TUSC3: variants seen among roughly 807,000 people sequenced by gnomAD.
The protein encoded by TUSC3 is dolichyl-diphosphooligosaccharide--protein glycosyltransferase subunit TUSC3.
TUSC3 carries 45 observed loss-of-function variants against 44.8 expected under a neutral mutation model. That is an observed-to-expected ratio of 1.00 (90% confidence interval 0.79 to 1.29). TUSC3 has a LOEUF of 1.29. Ranked by LOEUF, TUSC3 falls within the 50% of genes most tolerant of loss-of-function variation. TUSC3 has a pLI of 0.00. For synonymous variants in TUSC3, 212 were observed against 152.9 expected (o/e 1.39, Z -2.85); for missense variants, 519 against 437.9 (o/e 1.19, Z -1.65).
chr8:15,643,461 G>A (rs1331969246), intron 2 of TUSC3, among the ~76,000 whole-genome samples: 1 of 151,144 alleles, frequency 6.6e-6, no homozygotes, highest in East Asian at 1.9e-4. Flanking sequence ...CAAAAACTGA[G>A]TGCTAACTCT....
chr8:15,653,996 T>C (rs576435472), intron 3 of TUSC3, among the ~76,000 whole-genome samples: 1 of 152,106 alleles, frequency 6.6e-6, no homozygotes, highest in Admixed American at 6.6e-5. Context: ...GATAGGCTAG[T>C]GGGTTAATGA....
At chr8:15,689,837 TG>T (rs1206582272) in intron 6 of TUSC3, among the ~76,000 whole-genome samples, 2 of 61,132 alleles carry the variant, frequency 3.3e-5, no homozygotes, top group African/African-American at 1.2e-4. Context: ...TGTGTGTGTG[TG>T]TGTGTGTGTG....
intron 2 of TUSC3, among the ~76,000 whole-genome samples, chr8:15,490,171 A>G (rs372958943): frequency 1.3e-5 from 2 of 152,192 alleles, no homozygotes; most frequent in East Asian, 3.9e-4. Context: ...AACAACAAAC[A>G]AGTGATGGTG....
chr8:15,444,574 A>T (rs1196164017), intron 1 of TUSC3, among the ~76,000 whole-genome samples: 1 of 152,152 alleles, frequency 6.6e-6, no homozygotes, highest in Non-Finnish European at 1.5e-5. Context: ...AATTATGGCT[A>T]AATTGACTTA....
chr8:15,470,972 A>C (rs1196728091), intron 1 of TUSC3, among the ~76,000 whole-genome samples: 1 of 152,170 alleles, frequency 6.6e-6, no homozygotes. Flanking sequence ...TGAATGAATG[A>C]ATGAATGAAT....
At chr8:15,782,471 C>A in the TUSC3 span, among the ~76,000 whole-genome samples, 1 of 152,112 alleles carries the variant, frequency 6.6e-6, no homozygotes, top group South Asian at 2.1e-4. Context: ...ACAGTGAGAC[C>A]CTGTCTCAAG....
chr8:15,640,192 A>G (rs187037058), intron 2 of TUSC3, among the ~76,000 whole-genome samples: 41 of 152,338 alleles, frequency 2.7e-4, no homozygotes, highest in African/African-American at 9.1e-4. Context: ...GAGGGCATCT[A>G]CATGACCAAC....
At chr8:15,829,976 A>G in the TUSC3 span, among the ~76,000 whole-genome samples, 3 of 152,124 alleles carry the variant, frequency 2.0e-5, no homozygotes, top group Non-Finnish European at 4.4e-5. Flanking sequence ...TGGCTTTTTA[A>G]TAATAGCCAT....
rs1758933527 is a variant in TUSC3, at chr8:15,733,776, G to GCA, written c.862+3050_862+3051dup. The GCA allele has an allele frequency of 1.3e-5, 2 of 153,104 alleles. 1 individual carries two copies. The highest frequency in any genetic ancestry group is 1.3e-4 in the Admixed American group (2 of 15,286). The allele number at this position is 153,104 out of a possible 1,614,324, so 9.5% of individuals were successfully genotyped here. A position where few individuals can be genotyped will look rare whatever the true frequency, so the allele number is the denominator to read the frequency against. ...CAGTGAAACTTTAAAAGAAGTCCAG[G>GCA]CACAGTGGTTCATGCCTGCAATCCC... On this transcript the variant is annotated intron_variant, in intron 7 of 10. Coordinates refer to ENST00000503731, the MANE Select transcript of TUSC3 (RefSeq NM_006765.4).
At chr8:15,550,627 T>A (rs1239987739) in intron 1 of TUSC3, among the ~76,000 whole-genome samples, 4 of 151,746 alleles carry the variant, frequency 2.6e-5, no homozygotes, top group Admixed American at 1.3e-4. Context: ...ACTATCATGA[T>A]TCTTTCCTCT....
chr8:15,569,442 C>T (rs1802790219), intron 1 of TUSC3, among the ~76,000 whole-genome samples: 1 of 152,078 alleles, frequency 6.6e-6, no homozygotes, highest in African/African-American at 2.4e-5. Context: ...AAACTATATA[C>T]ACACACAAAG....
At chr8:15,743,691 G>C (rs1811289803) in intron 8 of TUSC3, 79 bp downstream of exon 8, 3 of 1,473,802 alleles carry the variant, frequency 2.0e-6, no homozygotes, top group Middle Eastern at 1.7e-4. Flanking sequence ...ATACATAAAA[G>C]CCCTTTGTAA....
intron 2 of TUSC3, among the ~76,000 whole-genome samples, chr8:15,628,493 G>T (rs1805615219): frequency 6.6e-6 from 1 of 152,060 alleles, no homozygotes; most frequent in Non-Finnish European, 1.5e-5. Context: ...AAGAGTTTTG[G>T]ATTTATAAGA....
At chr8:15,820,486 A>C in the TUSC3 span, among the ~76,000 whole-genome samples, 1 of 151,868 alleles carries the variant, frequency 6.6e-6, no homozygotes, top group Non-Finnish European at 1.5e-5. Context: ...CGCCCAGCTA[A>C]TTTTTGTATT....
chr8:15,511,866 C>G (rs1251883334), intron 2 of TUSC3, among the ~76,000 whole-genome samples: 1 of 113,566 alleles, frequency 8.8e-6, no homozygotes, highest in Non-Finnish European at 2.3e-5. Flanking sequence ...GCAAGACAGT[C>G]TCAAAAAAAA....
At chr8:15,842,719 T>C in the TUSC3 span, among the ~76,000 whole-genome samples, 1 of 152,200 alleles carries the variant, frequency 6.6e-6, no homozygotes. Flanking sequence ...GTCTGTGATG[T>C]AAACAAGTCT....
At chr8:15,489,564 T>G (rs1800778511) in intron 2 of TUSC3, among the ~76,000 whole-genome samples, 2 of 152,212 alleles carry the variant, frequency 1.3e-5, no homozygotes, top group African/African-American at 4.8e-5. Context: ...TCAAAATATG[T>G]CAAAGAGTTA....
chr8:15,470,829 C>T (rs1021127597), intron 1 of TUSC3, among the ~76,000 whole-genome samples: 4 of 152,088 alleles, frequency 2.6e-5, no homozygotes, highest in African/African-American at 9.7e-5. Flanking sequence ...TACATGGTCC[C>T]AGTGAGTGTG....
intron 1 of TUSC3, among the ~76,000 whole-genome samples, chr8:15,450,970 C>T (rs1001215533): frequency 2.0e-5 from 3 of 152,064 alleles, no homozygotes; most frequent in African/African-American, 7.2e-5. Context: ...AACTTGACCC[C>T]ATGACTAACA....
Sources: gnomAD v4.1 joint callset for allele counts (sites outside exome capture counted in the v4.1 genomes callset) on GRCh38, gnomAD v4.1.1 for gene constraint, MANE v1.5 for transcripts, NCBI Gene and HGNC (gene_info 2026-07-23, HGNC 2026-07-21) for gene names.